PATJ: variants seen among roughly 807,000 people sequenced by gnomAD.
PATJ encodes inaD-like protein.
PATJ carries 190 observed loss-of-function variants against 224.9 expected under a neutral mutation model. That is an observed-to-expected ratio of 0.84 (90% CI 0.75 to 0.95). PATJ has a LOEUF of 0.95. Ranked by LOEUF, PATJ falls within the 40% of genes least tolerant of loss-of-function variation. The probability of loss-of-function intolerance (pLI) is 0.00; values close to 1 mark genes in which losing one functional copy is unlikely to be tolerated. For synonymous variants in PATJ, 769 were observed against 820.3 expected, an observed-to-expected ratio of 0.94 and a Z score of 1.07; for missense variants, 2,121 against 2,270.3, an observed-to-expected ratio of 0.93 and a Z score of 1.34.
At position 61,776,553 on chromosome 1, in the gene PATJ, C is replaced by A. The variant is rs570659645; in HGVS notation, c.849+1219C>A. On this transcript the variant is annotated intron_variant, in intron 7 of 43. Transcript: ENST00000642238. Reference sequence around the variant, plus strand: ...TTTTGATCATTTAGTGCATGTCTTTCGAATATTGTCAAAATGGGAAGTACC... The same window carrying A: ...TTTTGATCATTTAGTGCATGTCTTTAGAATATTGTCAAAATGGGAAGTACC... 2.0e-5 allele frequency among the ~76,000 whole-genome samples: 3 copies of A among 151,872 alleles called. No individual in the cohort carries two copies. The East Asian group carries it at 5.8e-4, about 29-fold the overall frequency.
chr1:61,903,913 C>T (rs776997761), intron 24 of PATJ, among the ~76,000 whole-genome samples: 1 of 151,884 alleles, frequency 6.6e-6, no homozygotes, highest in Non-Finnish European at 1.5e-5. Flanking sequence ...GCTAGGATTA[C>T]AGGCACCCAC....
intron 31 of PATJ, among the ~76,000 whole-genome samples, chr1:62,059,611 C>T (rs1262534012): frequency 1.3e-5 from 2 of 148,326 alleles, no homozygotes; most frequent in African/African-American, 2.5e-5. Context: ...AGCGAGACTC[C>T]ATCTCAAAAA....
At chr1:62,009,954 G>A (rs1451617364) in intron 28 of PATJ, among the ~76,000 whole-genome samples, 1 of 151,386 alleles carries the variant, frequency 6.6e-6, no homozygotes, top group Non-Finnish European at 1.5e-5. Context: ...GTGGTGGTGG[G>A]CGCCTGTAAT....
rs552618043 is a variant in PATJ, at chr1:61,875,974, C to T, written c.2959+608C>T. Among the ~76,000 whole-genome samples the T allele has an allele frequency of 2.9e-4, 44 of 152,064 alleles. No individual in the cohort carries two copies. In the Middle Eastern group the frequency reaches 0.01, roughly 35 times the overall value. ...TGAATGTCATTATAAAATTGACATC[C>T]CTAGGGAGATTGTTAAATGCTTTCA... On this transcript the variant is annotated intron_variant, in intron 21 of 43. Transcript: ENST00000642238.
chr1:62,150,209 AG>A (rs1668479687), intron 42 of PATJ, among the ~76,000 whole-genome samples: 1 of 152,164 alleles, frequency 6.6e-6, no homozygotes, highest in African/African-American at 2.4e-5. Flanking sequence ...ATTCACCTAT[AG>A]GGGGCAATTC....
intron 1 of PATJ, among the ~76,000 whole-genome samples, chr1:61,756,763 A>G (rs1035491083): frequency 1.3e-5 from 2 of 151,808 alleles, no homozygotes; most frequent in South Asian, 4.1e-4. Flanking sequence ...TATTTTTAGT[A>G]GAGATGAGGT....
rs538658436 is a variant in PATJ, at chr1:62,163,346, T to C, written c.*2292T>C. 1 of 152,748 alleles carries C rather than the reference T, an allele frequency of 6.5e-6. No individual in the cohort carries two copies. The highest frequency in any genetic ancestry group is 1.5e-5 in the Non-Finnish European group (1 of 68,042). 9.5% of individuals were successfully genotyped at this position (152,748 alleles called of 1,614,324 possible). On this transcript the variant is annotated 3_prime_UTR_variant, in exon 44 of 44. Coordinates refer to ENST00000642238, the MANE Select transcript of PATJ (RefSeq NM_001350145.3). ...CTACTACCCTCAGAACATTTTGTGT[T>C]AATTGTACCTGCAAGAACACCTCAG...
chr1:62,078,441 C>T (rs1310865319), intron 31 of PATJ, among the ~76,000 whole-genome samples: 1 of 152,086 alleles, frequency 6.6e-6, no homozygotes, highest in East Asian at 1.9e-4. Flanking sequence ...CATCACCACG[C>T]CTGGCTAATT....
intron 41 of PATJ, among the ~76,000 whole-genome samples, chr1:62,135,911 AG>A (rs1382161149): frequency 4.0e-5 from 6 of 151,666 alleles, no homozygotes; most frequent in Non-Finnish European, 5.9e-5. Context: ...GTGGTTTTCC[AG>A]GTGGCATTTG....
At chr1:62,156,149 G>A (rs942767078) in intron 43 of PATJ, among the ~76,000 whole-genome samples, 4 of 151,478 alleles carry the variant, frequency 2.6e-5, no homozygotes, top group Non-Finnish European at 5.9e-5. Flanking sequence ...GCTGAGGCAG[G>A]AGAATAACTT....
intron 30 of PATJ, among the ~76,000 whole-genome samples, chr1:62,040,791 G>A (rs1651336419): frequency 6.8e-6 from 1 of 147,016 alleles, no homozygotes. Context: ...GGAGTGAGGT[G>A]ACCTGATACA....
intron 23 of PATJ, among the ~76,000 whole-genome samples, chr1:61,900,254 A>G (rs1357345392): frequency 6.6e-6 from 1 of 152,146 alleles, no homozygotes; most frequent in Non-Finnish European, 1.5e-5. Flanking sequence ...CTTTGCTTGT[A>G]ATTGAAATCT....
At chr1:61,901,980 T>C (rs1361214450) in intron 24 of PATJ, among the ~76,000 whole-genome samples, 4 of 152,108 alleles carry the variant, frequency 2.6e-5, no homozygotes, top group Admixed American at 6.5e-5. Context: ...ACCAGCACTT[T>C]GGGAGGCCGA....
chr1:61,842,991 A>G (rs1661364253), intron 17 of PATJ, among the ~76,000 whole-genome samples: 1 of 152,138 alleles, frequency 6.6e-6, no homozygotes, highest in African/African-American at 2.4e-5. Context: ...TGTTTGTTCA[A>G]GGTGTGATGA....
At chr1:61,835,282 T>C (rs1325642406) in intron 17 of PATJ, among the ~76,000 whole-genome samples, 6 of 152,236 alleles carry the variant, frequency 3.9e-5, no homozygotes, top group Non-Finnish European at 8.8e-5. Flanking sequence ...AGGGACTCTT[T>C]TTTTTCCTTC....
In PATJ at chr1:61,769,369, C is replaced by T. The variant is rs756609922; in HGVS notation, c.471C>T (p.Leu157=). ...TGGTGGCCCTCAGAAGTCAAAATCT[C>T]GGAAAAGTTGATATCTTCGTGAAGG... ...FSVVALRSQN[L]GKVDIFVKDV... is the part of the protein sequence containing the mutation. Residue 157 remains leucine, a synonymous_variant, in exon 5 of 44, where the codon CTC becomes CTT. Transcript: ENST00000642238. The T allele has an allele frequency of 4.4e-5, 71 of 1,613,934 alleles. No homozygotes were observed. Among genetic ancestry groups the T allele is most frequent in the East Asian group, 4.2e-4 (19 of 44,882 alleles).
chr1:62,129,837 G>A lies in PATJ; in HGVS notation c.5271+892G>A, dbSNP rs114592673. Among the ~76,000 whole-genome samples the A allele has an allele frequency of 6.2e-3, 932 of 151,440 alleles. 11 individuals carry two copies. The highest frequency in any genetic ancestry group is 0.021 in the African/African-American group (886 of 41,298). On this transcript the variant is annotated intron_variant, in intron 41 of 43. Transcript: ENST00000642238. The stretch of plus-strand genomic sequence containing the variant: ...GTGCCTGTAATCTCAGCTACAGGAG[G>A]ATGAGGCAGGAGAATCACTTGGACC...
At chr1:62,127,671 G>A (rs1479558650) in intron 39 of PATJ, among the ~76,000 whole-genome samples, 1 of 152,124 alleles carries the variant, frequency 6.6e-6, no homozygotes, top group Non-Finnish European at 1.5e-5. Context: ...GCCAAGTGTG[G>A]TGGCGCGCAC....
chr1:62,025,982 T>C (rs1200572449), intron 29 of PATJ, among the ~76,000 whole-genome samples: 2 of 152,210 alleles, frequency 1.3e-5, no homozygotes, highest in Non-Finnish European at 2.9e-5. Context: ...TGGTGACAAT[T>C]ATTTAGAACA....
Sources: allele counts gnomAD v4.1 joint callset (sites outside exome capture counted in the v4.1 genomes callset), GRCh38; gene constraint gnomAD v4.1.1; transcripts MANE v1.5; gene names NCBI Gene and HGNC (gene_info 2026-07-23, HGNC 2026-07-21).